The following GABBR2 variants were observed in gnomAD, a reference collection of about 807,000 sequenced individuals.
The protein encoded by GABBR2 is G-protein coupled receptor 51.
GABBR2 carries 23 observed loss-of-function variants against 105.6 expected under a neutral mutation model. The ratio of observed to expected loss-of-function variants is 0.22; its 90% CI spans 0.16 to 0.31. The LOEUF (loss-of-function observed/expected upper bound fraction) is 0.31, where lower values mean the gene tolerates loss of function less well. Among genes scored for constraint, GABBR2 ranks in the 10% least tolerant of loss-of-function variants. GABBR2 has a pLI of 1.00. For missense variants in GABBR2, 734 were observed against 1,245.5 expected (o/e 0.59, Z 6.18); for synonymous variants, 478 against 499.7 (o/e 0.96, Z 0.58).
Position 98,388,968 on chromosome 9 carries a change from T to C in GABBR2, c.1415A>G (p.Glu472Gly). The change falls in exon 10 of 19, where the codon GAG becomes GGG. Residue 472 changes from glutamate to glycine, a missense_variant. Physicochemically the swap from Glu to Gly is moderately conservative, Grantham distance 98 (BLOSUM62 -2). Transcript: ENST00000259455. This position sits in a 1 kb window ranked among gnomAD's most constrained non-coding sequence, Gnocchi z 4.4. ...AGGTAGGGAGATCTTCCGCAGCTGC[T>C]CCAGGATGATGGTCTTGTCTTTTGG... ...EPPKDKTIIL[E>G]QLRKISLPLY... 1 of 1,613,658 alleles carries C rather than the reference T, an allele frequency of 6.2e-7. No individual in the cohort carries two copies. Among genetic ancestry groups the C allele is most frequent in the Non-Finnish European group, 8.5e-7 (1 of 1,179,774 alleles).
At chr9:98,697,490 C>CA (rs5899354) in intron 1 of GABBR2, among the ~76,000 whole-genome samples, 107,966 of 140,934 alleles carry the variant, frequency 0.77, 41,494 homozygotes, top group Middle Eastern at 0.89. Flanking sequence ...CACTCCGTCT[C>CA]AAAAAAAAAA....
intron 15 of GABBR2, chr9:98,304,428 T>C (rs1342738166): frequency 6.6e-6 from 1 of 152,388 alleles, no homozygotes; most frequent in Admixed American, 6.5e-5. Context: ...TGGGGAGCTA[T>C]TGGGCGTAAC....
chr9:98,362,192 C>A (rs568712020), intron 13 of GABBR2, among the ~76,000 whole-genome samples: 7 of 152,208 alleles, frequency 4.6e-5, no homozygotes, highest in African/African-American at 1.7e-4. Flanking sequence ...AAGACCAGTG[C>A]GAGTTCAGGG....
chr9:98,655,510 T>C (rs1213969062), intron 1 of GABBR2, among the ~76,000 whole-genome samples: 1 of 152,156 alleles, frequency 6.6e-6, no homozygotes, highest in Non-Finnish European at 1.5e-5. Flanking sequence ...AAGAGTGATG[T>C]TAAAGATTTT....
chr9:98,374,311 C>T (rs770812114), intron 11 of GABBR2, among the ~76,000 whole-genome samples: 3 of 152,188 alleles, frequency 2.0e-5, no homozygotes, highest in Non-Finnish European at 4.4e-5. Context: ...TTTAATCTGG[C>T]ATCTGGAAAC....
chr9:98,524,003 C>A (rs1588211254), intron 3 of GABBR2, among the ~76,000 whole-genome samples: 1 of 151,880 alleles, frequency 6.6e-6, no homozygotes, highest in African/African-American at 2.4e-5. Context: ...GGGCCTATAA[C>A]AAAAAAACAG....
chr9:98,566,395 G>T (rs982375050), intron 2 of GABBR2, among the ~76,000 whole-genome samples: 2 of 152,162 alleles, frequency 1.3e-5, no homozygotes, highest in East Asian at 1.9e-4. Context: ...AATATTGATG[G>T]CTGGGTGCAG....
intron 6 of GABBR2, among the ~76,000 whole-genome samples, chr9:98,457,574 A>G (rs953969318): frequency 6.6e-6 from 1 of 152,186 alleles, no homozygotes; most frequent in African/African-American, 2.4e-5. Context: ...CCCGGGTACA[A>G]GGATCAGGAG....
chr9:98,556,536 G>C (rs1828586313), intron 2 of GABBR2, among the ~76,000 whole-genome samples: 1 of 152,160 alleles, frequency 6.6e-6, no homozygotes, highest in East Asian at 1.9e-4. Flanking sequence ...ATTCCATGGG[G>C]CAGGGGGTCA....
intron 1 of GABBR2, among the ~76,000 whole-genome samples, chr9:98,622,153 T>C (rs545572908): frequency 3.9e-5 from 6 of 152,172 alleles, no homozygotes; most frequent in Admixed American, 1.3e-4. Context: ...TATTTTATTT[T>C]ACTTTATTTG....
At position 98,419,438 on chromosome 9, in the gene GABBR2, G is replaced by C. The variant is rs1832743962; in HGVS notation, c.1237-13297C>G. On this transcript the variant is annotated intron_variant, in intron 7 of 18. Transcript: ENST00000259455. ...AAGAACCTCCATGTGTTTCTGGGTA[G>C]GAAAGACCATGGCCGTCGGGGGCGG... Among the ~76,000 whole-genome samples the C allele has an allele frequency of 2.6e-5, 4 of 152,210 alleles. No individual in the cohort carries two copies. The South Asian group carries it at 8.3e-4, about 32-fold the overall frequency.
At chr9:98,343,758 T>C (rs1225614893) in intron 13 of GABBR2, among the ~76,000 whole-genome samples, 1 of 151,892 alleles carries the variant, frequency 6.6e-6, no homozygotes, top group East Asian at 1.9e-4. Flanking sequence ...CTCAGGAGGC[T>C]GAGGCAGGAG....
intron 2 of GABBR2, among the ~76,000 whole-genome samples, chr9:98,553,973 A>T (rs1828537214): frequency 1.3e-5 from 2 of 152,238 alleles, no homozygotes; most frequent in Admixed American, 1.3e-4. Context: ...CCATGATATC[A>T]GTAGAGTAGA....
At chr9:98,679,986 G>T (rs968228338) in intron 1 of GABBR2, among the ~76,000 whole-genome samples, 1 of 152,120 alleles carries the variant, frequency 6.6e-6, no homozygotes, top group Non-Finnish European at 1.5e-5. Flanking sequence ...CCTTATGAAG[G>T]CTCCTGTGTC....
At chr9:98,457,032 T>C (rs547354770) in intron 6 of GABBR2, among the ~76,000 whole-genome samples, 15 of 152,364 alleles carry the variant, frequency 9.8e-5, no homozygotes, top group Non-Finnish European at 1.9e-4. Context: ...TTTTTTAAAA[T>C]GTGATTTGTG....
At chr9:98,516,751 C>T (rs1827764788) in intron 3 of GABBR2, among the ~76,000 whole-genome samples, 1 of 152,190 alleles carries the variant, frequency 6.6e-6, no homozygotes, top group Admixed American at 6.5e-5. Flanking sequence ...AGAGCAGTTG[C>T]CTGGTAGCGC....
In GABBR2 at chr9:98,306,944, G is replaced by A. The variant is rs1830561251; in HGVS notation, c.2005-599C>T. Among the ~76,000 whole-genome samples, 2 of 152,164 alleles carry A rather than the reference G, an allele frequency of 1.3e-5. No homozygotes were observed. The highest frequency in any genetic ancestry group is 1.3e-4 in the Admixed American group (2 of 15,272). ...ATAGAAGTGGTGTGCACATGTTCTG[G>A]GAAGTGTCTTTAAAGGGAAGAGGTG... is the stretch of plus-strand genomic sequence containing the variant. On this transcript the variant is annotated intron_variant, in intron 14 of 18. Coordinates refer to ENST00000259455, the MANE Select transcript of GABBR2 (RefSeq NM_005458.8). The surrounding 1 kb of genome is among the most constrained non-coding windows in gnomAD (Gnocchi z 5.4).
At chr9:98,513,628 T>C (rs1384122586) in intron 3 of GABBR2, among the ~76,000 whole-genome samples, 1 of 150,624 alleles carries the variant, frequency 6.6e-6, no homozygotes, top group Non-Finnish European at 1.5e-5. Flanking sequence ...AAAGAAGACA[T>C]TTATGCAGCC....
chr9:98,529,306 G>A (rs1432091654), intron 3 of GABBR2, among the ~76,000 whole-genome samples: 1 of 152,220 alleles, frequency 6.6e-6, no homozygotes, highest in Non-Finnish European at 1.5e-5. Flanking sequence ...AACACATCAG[G>A]GCTATGGCAC....
Sources: gnomAD v4.1 joint callset for allele counts (sites outside exome capture counted in the v4.1 genomes callset) on GRCh38, gnomAD v4.1.1 for gene constraint, Gnocchi (gnomAD v3.1) non-coding constraint, MANE v1.5 for transcripts, NCBI Gene and HGNC (gene_info 2026-07-23, HGNC 2026-07-21) for gene names.